The following NCOA1 variants were observed in gnomAD, a reference collection of about 807,000 sequenced individuals.
NCOA1 encodes the protein nuclear receptor coactivator 1, also known as Hin-2 protein.
In NCOA1, 35 loss-of-function variants were observed where a neutral mutation model predicts 150.9. The observed-to-expected ratio is 0.23, with a 90% CI of 0.18 to 0.31. The LOEUF is 0.31. Among genes scored for constraint, NCOA1 ranks in the 10% least tolerant of loss-of-function variants. The pLI, the probability that NCOA1 is intolerant of heterozygous loss-of-function variation, is 1.00. For synonymous variants in NCOA1, 590 were observed against 630.0 expected, an observed-to-expected ratio of 0.94 and a Z score of 0.95; for missense variants, 1,491 against 1,749.3, an observed-to-expected ratio of 0.85 and a Z score of 2.63.
At chr2:24,692,591 GAAA>G (rs1441827919) in intron 9 of NCOA1, among the ~76,000 whole-genome samples, 3 of 152,124 alleles carry the variant, frequency 2.0e-5, no homozygotes, top group Admixed American at 6.5e-5. Context: ...GTGAATATAA[GAAA>G]TTGACTACAA....
chr2:24,632,034 T>C (rs1314099627), intron 3 of NCOA1, among the ~76,000 whole-genome samples: 1 of 150,866 alleles, frequency 6.6e-6, no homozygotes, highest in African/African-American at 2.4e-5. Context: ...TAGTATTTGG[T>C]TCCATGTAAA....
At chr2:24,689,249 C>T (rs62142345) in intron 8 of NCOA1, among the ~76,000 whole-genome samples, 570 of 152,134 alleles carry the variant, frequency 3.7e-3, no homozygotes, top group Non-Finnish European at 6.1e-3. Flanking sequence ...TCTTCCAGTT[C>T]TGTGAAAAAT....
intron 1 of NCOA1, among the ~76,000 whole-genome samples, chr2:24,556,446 G>C (rs1316768016): frequency 6.6e-6 from 1 of 152,190 alleles, no homozygotes; most frequent in Non-Finnish European, 1.5e-5. Context: ...TAATGCTACA[G>C]TGAACATACG....
chr2:24,725,386 G>A (rs1674564722), intron 14 of NCOA1, among the ~76,000 whole-genome samples: 1 of 151,986 alleles, frequency 6.6e-6, no homozygotes, highest in African/African-American at 2.4e-5. Flanking sequence ...CTTGGAGATG[G>A]CCCTCTTCTC....
intron 11 of NCOA1, among the ~76,000 whole-genome samples, chr2:24,699,605 G>C (rs1673059689): frequency 6.6e-6 from 1 of 151,932 alleles, no homozygotes; most frequent in African/African-American, 2.4e-5. Context: ...ATTTTTCTTA[G>C]AATCAAGTTG....
intron 22 of NCOA1, among the ~76,000 whole-genome samples, chr2:24,765,793 G>A (rs1258242963): frequency 1.3e-5 from 2 of 152,126 alleles, no homozygotes; most frequent in Non-Finnish European, 2.9e-5. Context: ...AATATAAGAA[G>A]TCCTTTGTGG....
intron 18 of NCOA1, among the ~76,000 whole-genome samples, chr2:24,740,055 C>T (rs549696127): frequency 6.6e-6 from 1 of 152,122 alleles, no homozygotes; most frequent in Admixed American, 6.5e-5. Context: ...CTAGTACTCA[C>T]TCTCTACTTT....
intron 4 of NCOA1, 119 bp from the exon 5 acceptor site, chr2:24,658,542 A>G (rs1296856653): frequency 1.6e-6 from 1 of 643,498 alleles, no homozygotes; most frequent in African/African-American, 1.8e-5. Flanking sequence ...GGCTGTAATT[A>G]TCTATTCATT....
At chr2:24,763,589 A>G (rs907417996) in intron 22 of NCOA1, among the ~76,000 whole-genome samples, 15 of 146,162 alleles carry the variant, frequency 1.0e-4, no homozygotes, top group Non-Finnish European at 3.0e-5. Context: ...CACTTTCGTA[A>G]CTTTGGTTGA....
At chr2:24,676,068 G>A (rs1371185838) in intron 7 of NCOA1, among the ~76,000 whole-genome samples, 2 of 152,168 alleles carry the variant, frequency 1.3e-5, no homozygotes, top group Non-Finnish European at 2.9e-5. Flanking sequence ...TTGGAGGTTG[G>A]AGGTATTTTG....
chr2:24,716,033 A>G (rs975083144), intron 14 of NCOA1, among the ~76,000 whole-genome samples: 8 of 151,360 alleles, frequency 5.3e-5, no homozygotes, highest in Non-Finnish European at 2.9e-5. Flanking sequence ...AGTCCTAGCT[A>G]CTCGGGAGGC....
chr2:24,559,483 C>G (rs1666210200), intron 1 of NCOA1, among the ~76,000 whole-genome samples: 1 of 152,172 alleles, frequency 6.6e-6, no homozygotes, highest in Non-Finnish European at 1.5e-5. Flanking sequence ...TGCCCCTTTC[C>G]CAGTGATAGC....
intron 1 of NCOA1, among the ~76,000 whole-genome samples, chr2:24,498,747 T>TGG (rs1460699796): frequency 6.6e-6 from 1 of 152,042 alleles, no homozygotes; most frequent in East Asian, 1.9e-4. Flanking sequence ...AGGGAGGTGG[T>TGG]GGGGAGCAGT....
intron 5 of NCOA1, among the ~76,000 whole-genome samples, chr2:24,663,582 A>G (rs1671282244): frequency 6.6e-6 from 1 of 152,244 alleles, no homozygotes; most frequent in Non-Finnish European, 1.5e-5. Context: ...TGCAATATGA[A>G]TGGTAATAAA....
intron 17 of NCOA1, among the ~76,000 whole-genome samples, chr2:24,736,250 G>T (rs1011259697): frequency 6.7e-6 from 1 of 149,240 alleles, no homozygotes; most frequent in African/African-American, 2.5e-5. Context: ...AAAAGAAAAA[G>T]AAAATGGTAT....
intron 6 of NCOA1, among the ~76,000 whole-genome samples, chr2:24,666,592 A>G (rs1048558983): frequency 6.6e-6 from 1 of 151,716 alleles, no homozygotes; most frequent in Non-Finnish European, 1.5e-5. Flanking sequence ...CTCCACTTAT[A>G]TGAGGAAGTT....
chr2:24,528,970 T>C (rs563598201), intron 1 of NCOA1, among the ~76,000 whole-genome samples: 4 of 152,190 alleles, frequency 2.6e-5, no homozygotes, highest in Admixed American at 1.3e-4. Flanking sequence ...CACTGCAAGC[T>C]CCACCTCCCA....
intron 3 of NCOA1, among the ~76,000 whole-genome samples, chr2:24,619,103 T>G (rs779628720): frequency 3.9e-5 from 6 of 152,226 alleles, no homozygotes; most frequent in Non-Finnish European, 7.3e-5. Flanking sequence ...TAGTCAACAA[T>G]TAACAGGACG....
chr2:24,589,340 G>A (rs1009878374), intron 3 of NCOA1, among the ~76,000 whole-genome samples: 2 of 152,164 alleles, frequency 1.3e-5, no homozygotes, highest in Admixed American at 1.3e-4. Context: ...TTGGCCCCCT[G>A]AGCCTGGTAT....
Sources: gnomAD v4.1 joint callset for allele counts (sites outside exome capture counted in the v4.1 genomes callset) on GRCh38, gnomAD v4.1.1 for gene constraint, MANE v1.5 for transcripts, NCBI Gene and HGNC (gene_info 2026-07-23, HGNC 2026-07-21) for gene names.